Variants in MARCHF3 observed in about 807,000 individuals in gnomAD.
The protein encoded by MARCHF3 is membrane associated ring-CH-type finger 3, also known as E3 ubiquitin-protein ligase MARCHF3.
Under a neutral mutation model 24.2 loss-of-function variants are expected in MARCHF3, and 13 were observed. The observed-to-expected ratio is 0.54, with a 90% CI of 0.35 to 0.85. MARCHF3 has a LOEUF of 0.85. MARCHF3 is among the 40% of genes least tolerant of loss of function. The pLI, the probability that MARCHF3 is intolerant of heterozygous loss-of-function variation, is 0.01. For synonymous variants in MARCHF3, 144 were observed against 137.3 expected, an observed-to-expected ratio of 1.05 and a Z score of -0.34; for missense variants, 276 against 325.0, an observed-to-expected ratio of 0.85 and a Z score of 1.16.
Position 126,914,129 on chromosome 5 carries a change from A to G in MARCHF3, c.393+801T>C, listed in dbSNP as rs978500695. 4.0e-5 allele frequency among the ~76,000 whole-genome samples: 6 copies of G among 151,386 alleles called. No homozygotes were observed. The South Asian group carries it at 6.3e-4, about 16-fold the overall frequency. Reference sequence around the variant, plus strand: ...CTCCTGAGTAGCTGGGACTACAGGCACCCGCCACCATGCCCGGCTAATTTT... The same window carrying G: ...CTCCTGAGTAGCTGGGACTACAGGCGCCCGCCACCATGCCCGGCTAATTTT... On this transcript the variant is annotated intron_variant, in intron 3 of 4. Transcript: ENST00000308660.
At chr5:126,920,475 C>A (rs550004176) in intron 1 of MARCHF3, among the ~76,000 whole-genome samples, 10 of 152,270 alleles carry the variant, frequency 6.6e-5, no homozygotes, top group African/African-American at 2.4e-4. Context: ...GGTGTATTGG[C>A]AGGAAAAGCA....
In MARCHF3 at chr5:126,936,123, AG is replaced by A. The variant is rs1185495828; in HGVS notation, c.-56-17897del. The stretch of plus-strand genomic sequence containing the variant: ...CAGAGATGACATGGGCTTTTTTGAG[AG>A]TGGGTGATGAGCCTTCACACCTCCG... On this transcript the variant is annotated intron_variant, in intron 1 of 4. Coordinates refer to ENST00000308660, the MANE Select transcript of MARCHF3 (RefSeq NM_178450.5). Among the ~76,000 whole-genome samples, 6 of 152,190 alleles carry A rather than the reference AG, an allele frequency of 3.9e-5. No homozygotes were observed. The South Asian group carries it at 1.2e-3, about 32-fold the overall frequency.
At chr5:126,970,216 T>C (rs1750959105) in intron 1 of MARCHF3, among the ~76,000 whole-genome samples, 1 of 152,126 alleles carries the variant, frequency 6.6e-6, no homozygotes, top group Non-Finnish European at 1.5e-5. Context: ...GCCTCCCAGA[T>C]AGCTGGGATT....
At chr5:126,992,170 T>C (rs2126843965) in intron 1 of MARCHF3, among the ~76,000 whole-genome samples, 1 of 152,296 alleles carries the variant, frequency 6.6e-6, no homozygotes. Flanking sequence ...TTAGCTTAGC[T>C]CTAAAAAGTT....
intron 1 of MARCHF3, among the ~76,000 whole-genome samples, chr5:126,948,808 G>A (rs1047343890): frequency 4.6e-5 from 7 of 152,174 alleles, no homozygotes; most frequent in African/African-American, 1.2e-4. Context: ...TGGTGCTACC[G>A]TGATGCTGGA....
At chr5:126,909,860 A>G (rs1206736642) in intron 3 of MARCHF3, among the ~76,000 whole-genome samples, 1 of 152,174 alleles carries the variant, frequency 6.6e-6, no homozygotes, top group Non-Finnish European at 1.5e-5. Flanking sequence ...TGACTTCATA[A>G]AAAAGGTTAA....
At chr5:126,962,124 A>T (rs933592171) in intron 1 of MARCHF3, among the ~76,000 whole-genome samples, 8 of 152,294 alleles carry the variant, frequency 5.3e-5, no homozygotes, top group South Asian at 2.1e-4. Flanking sequence ...TGGGTCTATG[A>T]CATTAACATG....
chr5:126,996,591 GTTGCAGCTCTTCT>G (rs760654992), intron 1 of MARCHF3, among the ~76,000 whole-genome samples: 18 of 152,006 alleles, frequency 1.2e-4, no homozygotes, highest in Non-Finnish European at 2.4e-4. Flanking sequence ...TTTAAGAGGG[GTTGCAGCTCTTCT>G]TCAGTGGGGA....
At chr5:127,011,280 C>T (rs1752462563) in intron 1 of MARCHF3, among the ~76,000 whole-genome samples, 1 of 152,196 alleles carries the variant, frequency 6.6e-6, no homozygotes. Context: ...AGGACTAATG[C>T]TGGAAGTGAA....
At chr5:127,019,244 A>G (rs1436222049) in intron 1 of MARCHF3, among the ~76,000 whole-genome samples, 5 of 152,154 alleles carry the variant, frequency 3.3e-5, no homozygotes, top group Non-Finnish European at 7.3e-5. Context: ...GCCATTTTGT[A>G]TCCAGATAGT....
At chr5:126,908,649 C>G (rs558186660) in intron 3 of MARCHF3, among the ~76,000 whole-genome samples, 1 of 151,778 alleles carries the variant, frequency 6.6e-6, no homozygotes. Context: ...ATGTTGCTCT[C>G]GAGCCTTGGT....
At chr5:126,940,100 T>C (rs1749778295) in intron 1 of MARCHF3, among the ~76,000 whole-genome samples, 1 of 152,134 alleles carries the variant, frequency 6.6e-6, no homozygotes, top group Non-Finnish European at 1.5e-5. Context: ...TGTGTGAGAG[T>C]TAAAACAAGA....
At chr5:126,894,540 C>T (rs908135505) in intron 3 of MARCHF3, among the ~76,000 whole-genome samples, 15 of 151,766 alleles carry the variant, frequency 9.9e-5, no homozygotes, top group African/African-American at 3.6e-4. Context: ...TTCTCCTTTG[C>T]TTATGAAGGT....
chr5:126,945,495 G>A (rs1213792731), intron 1 of MARCHF3, among the ~76,000 whole-genome samples: 1 of 152,240 alleles, frequency 6.6e-6, no homozygotes, highest in African/African-American at 2.4e-5. Flanking sequence ...GCAAATGGGA[G>A]AGAGAAGAGA....
chr5:127,005,403 T>C (rs959010580), intron 1 of MARCHF3, among the ~76,000 whole-genome samples: 2 of 152,116 alleles, frequency 1.3e-5, no homozygotes, highest in African/African-American at 4.8e-5. Context: ...CCCAAAGTGC[T>C]GGGATTACAG....
At chr5:126,970,305 C>A (rs1192784396) in intron 1 of MARCHF3, among the ~76,000 whole-genome samples, 6 of 152,030 alleles carry the variant, frequency 3.9e-5, no homozygotes, top group Admixed American at 3.9e-4. Flanking sequence ...CCAGGCTGGT[C>A]TCGAACTCCT....
intron 1 of MARCHF3, among the ~76,000 whole-genome samples, chr5:126,946,068 C>G (rs1749998417): frequency 6.6e-6 from 1 of 151,882 alleles, no homozygotes; most frequent in African/African-American, 2.4e-5. Context: ...TCTTGAGTGG[C>G]ACTTAAAAAA....
chr5:126,897,200 C>T (rs773992017), intron 3 of MARCHF3, among the ~76,000 whole-genome samples: 13 of 151,622 alleles, frequency 8.6e-5, no homozygotes, highest in Non-Finnish European at 1.8e-4. Flanking sequence ...CCACCACGCC[C>T]GGCTAATTTT....
Position 126,869,333 on chromosome 5 carries a change from TGA to T in MARCHF3, c.*1298_*1299del, listed in dbSNP as rs1289147591. ...GTGGGCGGGCGGACAGCCGGGAGCC[TGA>T]GAGTCAACCCCAGCCAGCGCTCTCC... On this transcript the variant is annotated 3_prime_UTR_variant, in exon 5 of 5. Coordinates refer to ENST00000308660, the MANE Select transcript of MARCHF3 (RefSeq NM_178450.5). 2.0e-5 allele frequency: 3 copies of T among 152,254 alleles called. No homozygotes were observed. Among genetic ancestry groups the T allele is most frequent in the Admixed American group, 6.5e-5 (1 of 15,284 alleles). The allele number at this position is 152,254 out of a possible 1,614,324, so 9.4% of individuals were successfully genotyped here.
Sources: gnomAD v4.1 joint callset for allele counts (sites outside exome capture counted in the v4.1 genomes callset) on GRCh38, gnomAD v4.1.1 for gene constraint, MANE v1.5 for transcripts, NCBI Gene and HGNC (gene_info 2026-07-23, HGNC 2026-07-21) for gene names.